Variants in TNNT3 observed in about 807,000 individuals in gnomAD.
TNNT3 encodes troponin T3, fast skeletal type, also known as troponin T, fast skeletal muscle.
In TNNT3, 36 loss-of-function variants were observed where a neutral mutation model predicts 54.2. That is an observed-to-expected ratio of 0.66 (90% CI 0.51 to 0.88). The LOEUF (loss-of-function observed/expected upper bound fraction) is 0.88, where lower values mean the gene tolerates loss of function less well. Among genes scored for constraint, TNNT3 ranks in the 40% least tolerant of loss-of-function variants. The pLI is 0.00. For missense variants in TNNT3, 291 were observed against 331.6 expected (o/e 0.88, Z 0.95); for synonymous variants, 120 against 109.7 (o/e 1.09, Z -0.59).
At chr11:1,920,892 G>A (rs931273816) in intron 1 of TNNT3, among the ~76,000 whole-genome samples, 1 of 152,144 alleles carries the variant, frequency 6.6e-6, no homozygotes, top group African/African-American at 2.4e-5. Context: ...ATACTGGGGG[G>A]AACAGAACAG....
chr11:1,927,036 G>A (rs1391533013), intron 6 of TNNT3, among the ~76,000 whole-genome samples: 1 of 152,202 alleles, frequency 6.6e-6, no homozygotes, highest in Non-Finnish European at 1.5e-5. Context: ...GGACGGTGCT[G>A]GGGTCCACTG....
chr11:1,922,868 C>G lies in TNNT3; in HGVS notation c.-7C>G, dbSNP rs752059408. 1.2e-6 allele frequency: 2 copies of G among 1,613,224 alleles called. No individual in the cohort carries two copies. Among genetic ancestry groups the G allele is most frequent in the Admixed American group, 1.7e-5 (1 of 60,002 alleles). The stretch of plus-strand genomic sequence containing the variant: ...ATCTCTCTCTGCAGAAACCACCCAC[C>G]TTCACCATGTCTGACGAGGAAGTGT... On this transcript the variant is annotated 5_prime_UTR_variant, in exon 2 of 16. Coordinates refer to ENST00000278317, the MANE Select transcript of TNNT3 (RefSeq NM_006757.4).
intron 8 of TNNT3, among the ~76,000 whole-genome samples, chr11:1,931,002 G>A (rs890050261): frequency 5.3e-5 from 8 of 151,972 alleles, no homozygotes; most frequent in South Asian, 2.1e-4. Context: ...CATGCATAGC[G>A]CTTGGAAAAA....
At chr11:1,919,599 C>T (rs574250591), upstream of TNNT3, 3 of 152,452 alleles carry the variant, frequency 2.0e-5, no homozygotes, top group East Asian at 5.8e-4. Flanking sequence ...GGGCATAGCC[C>T]CCCCCAGCAA....
chr11:1,925,150 C>A, intron 5 of TNNT3, 34 bp downstream of exon 5: 1 of 1,610,370 alleles, frequency 6.2e-7, no homozygotes, highest in Non-Finnish European at 8.5e-7. Context: ...CCCCCATGCC[C>A]ACTCCCCAGC....
intron 5 of TNNT3, chr11:1,925,505 G>A (rs1851335391): frequency 1.8e-5 from 11 of 619,026 alleles, no homozygotes; most frequent in Non-Finnish European, 2.6e-5. Context: ...CCAGGCAGTA[G>A]GGCCAGGGAC....
In TNNT3 at chr11:1,923,566, G is replaced by C. The variant is rs757270420; in HGVS notation, c.43G>C (p.Glu15Gln). ...EVEQVEEQYE[E>Q]EEEAQEEEEV... ...CTGTCCCAATGCAGAGCAGTACGAAGAAGAAGGTAATTCTGGCAACCACCG... is the reference window on the plus strand; with the variant it reads ...CTGTCCCAATGCAGAGCAGTACGAACAAGAAGGTAATTCTGGCAACCACCG... Residue 15 changes from glutamate to glutamine, a missense_variant, in exon 4 of 16, where the codon GAA becomes CAA. Glu to Gln is a conservative substitution (Grantham distance 29, BLOSUM62 2). Coordinates refer to ENST00000278317, the MANE Select transcript of TNNT3 (RefSeq NM_006757.4). The C allele has an allele frequency of 6.2e-7, 1 of 1,613,942 alleles. No individual in the cohort carries two copies.
chr11:1,929,662 G>C (rs2133375943), intron 7 of TNNT3, 148 bp from the exon 8 acceptor site: 1 of 867,172 alleles, frequency 1.2e-6, no homozygotes, highest in Non-Finnish European at 1.9e-6. Context: ...CTTGTTTCTG[G>C]GGGTTGGGGG....
intron 14 of TNNT3, 57 bp from the exon 15 acceptor site, chr11:1,936,906 A>T: frequency 6.4e-7 from 1 of 1,556,896 alleles, no homozygotes; most frequent in Non-Finnish European, 8.7e-7. Context: ...GCCTTCACCC[A>T]GTACACGCAG....
At chr11:1,934,069 C>A (rs1854234021) in intron 11 of TNNT3, 61 bp downstream of exon 11, 2 of 1,537,216 alleles carry the variant, frequency 1.3e-6, no homozygotes, top group Non-Finnish European at 1.8e-6. Flanking sequence ...CAGAGAAATG[C>A]AGGGGGCTGA....
intron 1 of TNNT3, among the ~76,000 whole-genome samples, chr11:1,920,040 G>A (rs1291291646): frequency 6.6e-6 from 1 of 152,180 alleles, no homozygotes; most frequent in Non-Finnish European, 1.5e-5. Context: ...GGGGCAAGTC[G>A]GGGCTCAGGG....
chr11:1,937,320 G>A (rs761709085), intron 15 of TNNT3, among the ~76,000 whole-genome samples: 16 of 152,138 alleles, frequency 1.1e-4, no homozygotes, highest in Non-Finnish European at 2.1e-4. Flanking sequence ...ACCCCTAGAA[G>A]GGGCTACTCG....
At chr11:1,936,848 C>T (rs536097220) in intron 14 of TNNT3, 115 bp from the exon 15 acceptor site, 347 of 1,089,570 alleles carry the variant, frequency 3.2e-4, no homozygotes, top group Middle Eastern at 5.7e-4. Context: ...TCATGGGGGC[C>T]CAGCAGCCCT....
At chr11:1,920,174 G>A (rs891064134) in intron 1 of TNNT3, among the ~76,000 whole-genome samples, 22 of 152,188 alleles carry the variant, frequency 1.4e-4, no homozygotes, top group African/African-American at 5.3e-4. Flanking sequence ...TCGCCATGCA[G>A]ACATTTGCCC....
chr11:1,934,804 AGCC>A (rs1854486066), intron 13 of TNNT3, 22 bp from the exon 14 acceptor site: 1 of 1,611,224 alleles, frequency 6.2e-7, no homozygotes, highest in Admixed American at 1.7e-5. Flanking sequence ...TATTCAACGA[AGCC>A]TCACCACTTC....
In TNNT3 at chr11:1,924,666, C is replaced by A. The variant is rs1241304260; in HGVS notation, c.50-433C>A. 2.0e-5 allele frequency among the ~76,000 whole-genome samples: 3 copies of A among 152,290 alleles called. No homozygotes were observed. In the East Asian group the frequency reaches 5.8e-4, roughly 29 times the overall value. On this transcript the variant is annotated intron_variant, in intron 4 of 15. Coordinates refer to ENST00000278317, the MANE Select transcript of TNNT3 (RefSeq NM_006757.4). ...CTTCGTGCGACATGTCTCTGAAGAC[C>A]CCTCAGTGCCAGCCTTGTTTCCGGG...
At chr11:1,929,740 C>T (rs1589950677) in intron 7 of TNNT3, 70 bp from the exon 8 acceptor site, 1 of 1,532,680 alleles carries the variant, frequency 6.5e-7, no homozygotes, top group African/African-American at 1.4e-5. Flanking sequence ...CGCCCAGTCT[C>T]ACCCAGGCTG....
In TNNT3 at chr11:1,938,618, G is replaced by GCCTCTCCACCCCC; in HGVS notation, c.*126_*127insCCTCTCCACCCCC. On this transcript the variant is annotated 3_prime_UTR_variant, in exon 16 of 16. Transcript: ENST00000278317. ...GGGCTCCCTGACAGTCCTGGGGGTG[G>GCCTCTCCACCCCC]AGAGGCCATCCCGGGGCGTCCCCCG... 9.8e-7 allele frequency: 1 copy of GCCTCTCCACCCCC among 1,017,438 alleles called. No individual in the cohort carries two copies. The highest frequency in any genetic ancestry group is 1.5e-6 in the Non-Finnish European group (1 of 659,154). The allele number at this position is 1,017,438 out of a possible 1,614,324, so 63.0% of individuals were successfully genotyped here. A position where few individuals can be genotyped will look rare whatever the true frequency, so the allele number is the denominator to read the frequency against.
At chr11:1,932,117 A>C (rs57058485) in intron 8 of TNNT3, among the ~76,000 whole-genome samples, 2,440 of 152,346 alleles carry the variant, frequency 0.016, 63 homozygotes, top group African/African-American at 0.053. Context: ...CACAGTGGCC[A>C]TCGCTTCTCA....
Sources: allele counts gnomAD v4.1 joint callset (sites outside exome capture counted in the v4.1 genomes callset), GRCh38; gene constraint gnomAD v4.1.1; transcripts MANE v1.5; gene names NCBI Gene and HGNC (gene_info 2026-07-23, HGNC 2026-07-21).